Variants in UBTD2 observed in about 807,000 individuals in gnomAD.
The protein encoded by UBTD2 is ubiquitin domain containing 2.
In UBTD2, 9 loss-of-function variants were observed where a neutral mutation model predicts 19.8. That is an observed-to-expected ratio of 0.46 (90% CI 0.27 to 0.79). UBTD2 has a LOEUF of 0.79. UBTD2 is among the 30% of genes least tolerant of loss of function. UBTD2 has a pLI of 0.14. For missense variants in UBTD2, 250 were observed against 300.4 expected (o/e 0.83, Z 1.24); for synonymous variants, 98 against 103.9 (o/e 0.94, Z 0.35).
chr5:172,236,390 ATG>A, intron 1 of UBTD2, among the ~76,000 whole-genome samples: 1 of 152,370 alleles, frequency 6.6e-6, no homozygotes, highest in African/African-American at 2.4e-5. Context: ...AACACTACAG[ATG>A]TGCCTATTAC....
At chr5:172,221,475 C>T (rs749367564) in intron 2 of UBTD2, among the ~76,000 whole-genome samples, 51 of 152,114 alleles carry the variant, frequency 3.4e-4, no homozygotes, top group Admixed American at 5.2e-4. Flanking sequence ...ATACTCCAGC[C>T]TGGGTGACAG....
At chr5:172,218,435 G>A (rs1045902771) in intron 2 of UBTD2, among the ~76,000 whole-genome samples, 2 of 151,682 alleles carry the variant, frequency 1.3e-5, no homozygotes, top group African/African-American at 2.4e-5. Context: ...TCCAAAGTAG[G>A]CAGAAAAAAA....
At chr5:172,232,136 G>A (rs1412494637) in intron 2 of UBTD2, among the ~76,000 whole-genome samples, 1 of 152,098 alleles carries the variant, frequency 6.6e-6, no homozygotes, top group African/African-American at 2.4e-5. Context: ...AGCTGGGCCT[G>A]GTGGCACATG....
chr5:172,261,655 C>T (rs908960526), intron 1 of UBTD2, among the ~76,000 whole-genome samples: 9 of 151,744 alleles, frequency 5.9e-5, no homozygotes, highest in South Asian at 2.1e-4. Flanking sequence ...GATGGAGTCT[C>T]ACTCTGTTGC....
intron 1 of UBTD2, chr5:172,254,511 G>A (rs2113077045): frequency 1.8e-6 from 1 of 568,290 alleles, no homozygotes; most frequent in East Asian, 3.7e-5. Flanking sequence ...ATCAGACCGA[G>A]CAAACGTCCA....
At chr5:172,240,635 CTTTTT>C (rs888206476) in intron 1 of UBTD2, among the ~76,000 whole-genome samples, 6 of 151,162 alleles carry the variant, frequency 4.0e-5, no homozygotes, top group African/African-American at 1.5e-4. Flanking sequence ...TTTCCCCCCA[CTTTTT>C]TTTTAACTAT....
intron 1 of UBTD2, among the ~76,000 whole-genome samples, chr5:172,260,996 C>T (rs1225152392): frequency 6.6e-6 from 1 of 152,172 alleles, no homozygotes; most frequent in East Asian, 1.9e-4. Context: ...GCCTTAAAAG[C>T]TCTTGAATCA....
At chr5:172,213,779 C>T (rs1771492939) in intron 2 of UBTD2, among the ~76,000 whole-genome samples, 1 of 151,950 alleles carries the variant, frequency 6.6e-6, no homozygotes, top group Non-Finnish European at 1.5e-5. Context: ...TGAAAGCATA[C>T]CTTTTTTTTT....
intron 1 of UBTD2, among the ~76,000 whole-genome samples, chr5:172,251,314 C>CAAAAAAAAAAAA (rs57577423): frequency 3.4e-5 from 4 of 118,228 alleles, no homozygotes; most frequent in Admixed American, 9.0e-5. Flanking sequence ...GAGCCTATCT[C>CAAAAAAAAAAAA]AAAAAAAAAA....
intron 1 of UBTD2, among the ~76,000 whole-genome samples, chr5:172,267,799 G>T (rs1755405658): frequency 6.6e-6 from 1 of 152,074 alleles, no homozygotes; most frequent in Non-Finnish European, 1.5e-5. Flanking sequence ...AAAAAAAGAA[G>T]ATTCCATGTT....
intron 1 of UBTD2, among the ~76,000 whole-genome samples, chr5:172,281,967 A>T (rs952141695): frequency 3.3e-5 from 5 of 152,228 alleles, no homozygotes; most frequent in African/African-American, 1.2e-4. Context: ...CAAAGCTAAG[A>T]TTTCACGCTT....
intron 1 of UBTD2, among the ~76,000 whole-genome samples, chr5:172,282,400 AC>A (rs1469539079): frequency 3.3e-5 from 5 of 152,226 alleles, no homozygotes; most frequent in Admixed American, 3.3e-4. Context: ...CATACAGGAT[AC>A]CCACAGATTT....
At chr5:172,240,980 C>T (rs918572160) in intron 1 of UBTD2, among the ~76,000 whole-genome samples, 5 of 151,432 alleles carry the variant, frequency 3.3e-5, no homozygotes, top group Admixed American at 2.6e-4. Flanking sequence ...ACCACTGCAA[C>T]TTTTAAGTAG....
At chr5:172,266,705 A>G (rs1349549791) in intron 1 of UBTD2, among the ~76,000 whole-genome samples, 1 of 152,208 alleles carries the variant, frequency 6.6e-6, no homozygotes, top group African/African-American at 2.4e-5. Flanking sequence ...GGTAAGGTTC[A>G]CATCATAAAC....
intron 1 of UBTD2, among the ~76,000 whole-genome samples, chr5:172,274,978 G>C: frequency 6.6e-6 from 1 of 152,302 alleles, no homozygotes; most frequent in South Asian, 2.1e-4. Context: ...GGAGTTTGCC[G>C]TGAGCCAAGA....
intron 1 of UBTD2, among the ~76,000 whole-genome samples, chr5:172,246,346 G>T (rs1277501873): frequency 6.8e-6 from 1 of 148,058 alleles, no homozygotes; most frequent in African/African-American, 2.5e-5. Context: ...GGAACAAACA[G>T]AAAACACATA....
chr5:172,212,234 A>C lies in UBTD2; in HGVS notation c.308-7T>G. The stretch of plus-strand genomic sequence containing the variant: ...TAGCACTCTGTAAGTGCACCTTCAG[A>C]AAGAGAAGATATGAATAAGAACTTA... On this transcript the variant is annotated splice_region_variant and splice_polypyrimidine_tract_variant and intron_variant, in intron 2 of 2. Coordinates refer to ENST00000393792, the MANE Select transcript of UBTD2 (RefSeq NM_152277.3). The C allele has an allele frequency of 6.3e-7, 1 of 1,578,636 alleles. No homozygotes were observed. Among genetic ancestry groups the C allele is most frequent in the Non-Finnish European group, 8.6e-7 (1 of 1,160,044 alleles).
At chr5:172,254,389 G>A (rs921061494) in intron 1 of UBTD2, 12 of 320,812 alleles carry the variant, frequency 3.7e-5, no homozygotes, top group Middle Eastern at 9.0e-4. Context: ...GAGCCACTGC[G>A]CCCGGCCTCC....
rs757486081 is a variant in UBTD2 at position 172,234,322 on chromosome 5, T to C, written c.107A>G (p.Lys36Arg). 2 of 1,614,184 alleles carry C rather than the reference T, an allele frequency of 1.2e-6. No homozygotes were observed. The highest frequency in any genetic ancestry group is 1.3e-5 in the African/African-American group (1 of 75,042). The change falls in exon 2 of 3, where the codon AAA becomes AGA. Residue 36 changes from lysine to arginine, a missense_variant. Coordinates refer to ENST00000393792, the MANE Select transcript of UBTD2 (RefSeq NM_152277.3). Reference sequence around the variant, plus strand: ...AGGATAATCGCTTTTCCATTTTGGTTTCTCCTTTTTCAAAGGCTGGTTACG... The same window carrying C: ...AGGATAATCGCTTTTCCATTTTGGTCTCTCCTTTTTCAAAGGCTGGTTACG... Reference protein sequence around the residue: ...LGRNQPLKKEKPKWKSDYPMT... With the variant: ...LGRNQPLKKERPKWKSDYPMT...
Sources: allele counts gnomAD v4.1 joint callset (sites outside exome capture counted in the v4.1 genomes callset), GRCh38; gene constraint gnomAD v4.1.1; transcripts MANE v1.5; gene names NCBI Gene and HGNC (gene_info 2026-07-23, HGNC 2026-07-21).